Variants in THAP10 observed in about 807,000 individuals in gnomAD.
The protein encoded by THAP10 is THAP domain-containing protein 10.
In THAP10, 10 loss-of-function variants were observed where a neutral mutation model predicts 15.7. The observed-to-expected ratio is 0.64, with a 90% CI of 0.39 to 1.08. THAP10 has a LOEUF of 1.08. THAP10 is among the 50% of genes least tolerant of loss of function. The pLI is 0.01. For missense variants in THAP10, 310 were observed against 330.9 expected (o/e 0.94, Z 0.49); for synonymous variants, 127 against 129.1 (o/e 0.98, Z 0.11).
Position 70,882,267 on chromosome 15 carries a change from T to G in THAP10, c.*187A>C. On this transcript the variant is annotated 3_prime_UTR_variant, in exon 3 of 3. Coordinates refer to ENST00000249861, the MANE Select transcript of THAP10 (RefSeq NM_020147.4). ...AAGGTGAAAGTAGAGAATAGGGATG[T>G]TTGTGGGTAGGTATTATCTTCATTG... 1 of 510,802 alleles carries G rather than the reference T, an allele frequency of 2.0e-6. No individual in the cohort carries two copies. Among genetic ancestry groups the G allele is most frequent in the Non-Finnish European group, 3.4e-6 (1 of 292,676 alleles). 31.6% of individuals were successfully genotyped at this position (510,802 alleles called of 1,614,324 possible). A position where few individuals can be genotyped will look rare whatever the true frequency, so the allele number is the denominator to read the frequency against.
chr15:70,882,781 CT>C lies in THAP10; in HGVS notation c.556del (p.Arg186GlyfsTer13). ...CATACCCACACTACGGTGACGGGGC[CT>C]TTTCAAAGAAATTTGTGTACTTTTA... ...VHKSTQISLKRPRHRSVGIQA... is the reference protein window; with the variant it reads ...VHKSTQISLKXPRHRSVGIQA... On this transcript the variant is annotated frameshift_variant, in exon 2 of 3. Coordinates refer to ENST00000249861, the MANE Select transcript of THAP10 (RefSeq NM_020147.4). LOFTEE classifies it low-confidence loss of function (END_TRUNC). 1 of 1,614,152 alleles carries C rather than the reference CT, an allele frequency of 6.2e-7. No individual in the cohort carries two copies. The highest frequency in any genetic ancestry group is 8.5e-7 in the Non-Finnish European group (1 of 1,180,004).
chr15:70,891,004 T>G (rs1259456756), intron 1 of THAP10, among the ~76,000 whole-genome samples: 1 of 152,180 alleles, frequency 6.6e-6, no homozygotes, highest in African/African-American at 2.4e-5. Context: ...CACCCCAATG[T>G]AGGAAGCAGG....
chr15:70,891,398 C>T (rs2033557512), intron 1 of THAP10, among the ~76,000 whole-genome samples: 3 of 152,298 alleles, frequency 2.0e-5, no homozygotes, highest in South Asian at 2.1e-4. Context: ...ACATCTCCTT[C>T]GCCCCATCAT....
rs550403787 is a variant in THAP10, at chr15:70,888,652, C to G, written c.429+3192G>C. Among the ~76,000 whole-genome samples the G allele has an allele frequency of 2.6e-5, 4 of 152,136 alleles. No individual in the cohort carries two copies. The South Asian group carries it at 8.3e-4, about 32-fold the overall frequency. ...ATCAGAATTAAGAACTTCAGTACATCAAAAGACATTATTAAGAACCAAGAG... is the reference window on the plus strand; with the variant it reads ...ATCAGAATTAAGAACTTCAGTACATGAAAAGACATTATTAAGAACCAAGAG... On this transcript the variant is annotated intron_variant, in intron 1 of 2. Transcript: ENST00000249861.
At chr15:70,883,207 T>C (rs2033311894) in intron 1 of THAP10, among the ~76,000 whole-genome samples, 1 of 152,192 alleles carries the variant, frequency 6.6e-6, no homozygotes, top group African/African-American at 2.4e-5. Flanking sequence ...CTTTTTTTTT[T>C]TGAGATGGAG....
rs556761833 is a variant in THAP10, at chr15:70,889,044, T to C, written c.429+2800A>G. 9.2e-5 allele frequency among the ~76,000 whole-genome samples: 14 copies of C among 152,276 alleles called. No individual in the cohort carries two copies. In the South Asian group the frequency reaches 2.3e-3, roughly 25 times the overall value. ...TATTTTAGAAAACTATTTGGTATTATCTACTGAAGTTTAATGTAATACTAT... is the reference window on the plus strand; with the variant it reads ...TATTTTAGAAAACTATTTGGTATTACCTACTGAAGTTTAATGTAATACTAT... On this transcript the variant is annotated intron_variant, in intron 1 of 2. Transcript: ENST00000249861.
intron 1 of THAP10, 62 bp from the exon 2 acceptor site, chr15:70,882,970 A>C: frequency 6.4e-7 from 1 of 1,563,920 alleles, no homozygotes; most frequent in Admixed American, 1.8e-5. Context: ...TTATCTTTCA[A>C]AAGTTACAAG....
At chr15:70,883,302 C>T (rs2033315698) in intron 1 of THAP10, among the ~76,000 whole-genome samples, 1 of 152,168 alleles carries the variant, frequency 6.6e-6, no homozygotes, top group South Asian at 2.1e-4. Flanking sequence ...AGTGATTCTC[C>T]TGCCTCAGCT....
intron 1 of THAP10, among the ~76,000 whole-genome samples, chr15:70,890,225 G>A (rs951242807): frequency 6.6e-6 from 1 of 152,108 alleles, no homozygotes; most frequent in Non-Finnish European, 1.5e-5. Context: ...TGTGGCACAT[G>A]TTTAGTATTT....
intron 2 of THAP10, 53 bp from the exon 3 acceptor site, chr15:70,882,703 T>A: frequency 6.2e-7 from 1 of 1,612,298 alleles, no homozygotes; most frequent in South Asian, 1.1e-5. Context: ...TTTTCATATA[T>A]CTTTAATATA....
chr15:70,890,091 T>C (rs1260375170), intron 1 of THAP10, among the ~76,000 whole-genome samples: 6 of 152,246 alleles, frequency 3.9e-5, no homozygotes, highest in African/African-American at 1.4e-4. Context: ...CTGGATCTGT[T>C]TCCCAACGGT....
intron 1 of THAP10, 26 bp from the exon 2 acceptor site, chr15:70,882,934 CAT>C (rs2033302619): frequency 6.2e-7 from 1 of 1,612,382 alleles, no homozygotes; most frequent in East Asian, 2.2e-5. Flanking sequence ...AGAGGAGAAA[CAT>C]ATTAAAGTGT....
intron 1 of THAP10, among the ~76,000 whole-genome samples, chr15:70,887,474 A>G (rs2033440746): frequency 6.6e-6 from 1 of 152,152 alleles, no homozygotes; most frequent in Admixed American, 6.5e-5. Flanking sequence ...ACATTTTAAA[A>G]CCAATCAATA....
Position 70,891,705 on chromosome 15 carries a change from C to A in THAP10, c.429+139G>T, listed in dbSNP as rs531065662. The A allele has an allele frequency of 2.5e-5, 19 of 751,952 alleles. 1 individual carries two copies. The South Asian group carries it at 3.7e-4, about 15-fold the overall frequency. 46.6% of individuals were successfully genotyped at this position (751,952 alleles called of 1,614,324 possible). On this transcript the variant is annotated intron_variant, in intron 1 of 2. Coordinates refer to ENST00000249861, the MANE Select transcript of THAP10 (RefSeq NM_020147.4). ...TGATAAGTGGGACCTTGGAGATCAC[C>A]TCTAAAGCACACCCCTAACTTTGCA...
chr15:70,891,766 T>C, intron 1 of THAP10, 78 bp downstream of exon 1: 2 of 1,336,634 alleles, frequency 1.5e-6, no homozygotes, highest in Admixed American at 2.8e-5. Flanking sequence ...TGAGGTGCCT[T>C]TCCCAAGGTG....
chr15:70,888,410 A>G (rs1420535338), intron 1 of THAP10, among the ~76,000 whole-genome samples: 1 of 152,230 alleles, frequency 6.6e-6, no homozygotes, highest in Non-Finnish European at 1.5e-5. Flanking sequence ...TTGCAAGGCC[A>G]AGAAGAAATG....
chr15:70,882,274 G>A lies in THAP10; in HGVS notation c.*180C>T. 1.9e-6 allele frequency: 1 copy of A among 521,894 alleles called. No homozygotes were observed. Among genetic ancestry groups the A allele is most frequent in the Non-Finnish European group, 3.3e-6 (1 of 298,960 alleles). The allele number at this position is 521,894 out of a possible 1,614,324, so 32.3% of individuals were successfully genotyped here. On this transcript the variant is annotated 3_prime_UTR_variant, in exon 3 of 3. Transcript: ENST00000249861. ...AAGTAGAGAATAGGGATGTTTGTGG[G>A]TAGGTATTATCTTCATTGTGTTGGC... is the stretch of plus-strand genomic sequence containing the variant.
At chr15:70,891,736 G>A in intron 1 of THAP10, 108 bp downstream of exon 1, 2 of 1,056,724 alleles carry the variant, frequency 1.9e-6, no homozygotes, top group Non-Finnish European at 2.7e-6. Context: ...TTGCAGATTA[G>A]AAAACAGGAA....
rs148723779 is a variant in THAP10, at chr15:70,882,776, G to A, written c.562C>T (p.Arg188Cys). The A allele has an allele frequency of 4.9e-4, 789 of 1,614,006 alleles. 1 individual carries two copies. Among genetic ancestry groups the A allele is most frequent in the Non-Finnish European group, 6.3e-4 (748 of 1,180,026 alleles). Reference protein sequence around the residue: ...KSTQISLKRPRHRSVGIQAKV... With the variant: ...KSTQISLKRPCHRSVGIQAKV... ...CAAAACATACCCACACTACGGTGAC[G>A]GGGCCTTTTCAAAGAAATTTGTGTA... Residue 188 changes from arginine to cysteine, a missense_variant, in exon 2 of 3, where the codon CGT becomes TGT. Arg to Cys is a radical substitution (Grantham distance 180). Transcript: ENST00000249861.
Sources: gnomAD v4.1 joint callset for allele counts (sites outside exome capture counted in the v4.1 genomes callset) on GRCh38, gnomAD v4.1.1 for gene constraint, MANE v1.5 for transcripts, NCBI Gene and HGNC (gene_info 2026-07-23, HGNC 2026-07-21) for gene names.